The following PLIN3 variants were observed in gnomAD, a reference collection of about 807,000 sequenced individuals.
The protein encoded by PLIN3 is perilipin-3.
Under a neutral mutation model 35.9 loss-of-function variants are expected in PLIN3, and 30 were observed. The ratio of observed to expected loss-of-function variants is 0.84; its 90% CI spans 0.62 to 1.13. The LOEUF is 1.13. Ranked by LOEUF, PLIN3 falls within the 50% of genes most tolerant of loss-of-function variation. PLIN3 has a pLI of 0.00. For missense variants in PLIN3, 603 were observed against 596.9 expected, an observed-to-expected ratio of 1.01 and a Z score of -0.11; for synonymous variants, 261 against 262.5, an observed-to-expected ratio of 0.99 and a Z score of 0.06.
rs80119646 is a variant in PLIN3, at chr19:4,860,742, G to A, written c.66+587C>T. Reference sequence around the variant, plus strand: ...TCCGAGCACTTTGGGAGACCGAGGCGGGTGGGTCACTTTGGGTCAGGAGTT... The same window carrying A: ...TCCGAGCACTTTGGGAGACCGAGGCAGGTGGGTCACTTTGGGTCAGGAGTT... On this transcript the variant is annotated intron_variant, in intron 2 of 7. Coordinates refer to ENST00000221957, the MANE Select transcript of PLIN3 (RefSeq NM_005817.5). 7.0e-3 allele frequency among the ~76,000 whole-genome samples: 1,066 copies of A among 152,110 alleles called. 59 individuals are homozygous for A. In the East Asian group the frequency reaches 0.14, roughly 20 times the overall value.
At chr19:4,846,431 G>T (rs1397035938) in intron 6 of PLIN3, among the ~76,000 whole-genome samples, 1 of 152,004 alleles carries the variant, frequency 6.6e-6, no homozygotes, top group African/African-American at 2.4e-5. Context: ...GTGCGTGGTG[G>T]CTCGTGTCTG....
rs2030315840 is a variant in PLIN3, at chr19:4,852,132, AC to A, written c.517del (p.Val173SerfsTer14). ...CAAGCGGGAGCCCATGACCGATTGG[AC>A]GCCGCCGGTCACTACGGACTTTGTC... ...DKTKSVVTGG[V>X]QSVMGSRLGQ... On this transcript the variant is annotated frameshift_variant, in exon 5 of 8. Coordinates refer to ENST00000221957, the MANE Select transcript of PLIN3 (RefSeq NM_005817.5). LOFTEE classifies it high-confidence loss of function. 4 of 1,614,016 alleles carry A rather than the reference AC, an allele frequency of 2.5e-6. No homozygotes were observed. The highest frequency in any genetic ancestry group is 3.4e-6 in the Non-Finnish European group (4 of 1,179,974).
chr19:4,855,661 G>A (rs1298076466), intron 4 of PLIN3, among the ~76,000 whole-genome samples: 1 of 152,096 alleles, frequency 6.6e-6, no homozygotes, highest in African/African-American at 2.4e-5. Context: ...GCCCGCCTCG[G>A]CCTCCCAAAG....
intron 4 of PLIN3, among the ~76,000 whole-genome samples, chr19:4,856,862 C>T (rs779282260): frequency 1.3e-5 from 2 of 151,812 alleles, no homozygotes; most frequent in African/African-American, 2.4e-5. Flanking sequence ...CTCACCATCA[C>T]GCCTGGCTGA....
chr19:4,859,567 C>T (rs2030594952), intron 4 of PLIN3, 23 bp downstream of exon 4: 3 of 1,606,136 alleles, frequency 1.9e-6, no homozygotes, highest in Non-Finnish European at 2.6e-6. Context: ...CTCGACAGAG[C>T]CCCTGAGGAC....
At chr19:4,858,495 A>G (rs2030547248) in intron 4 of PLIN3, among the ~76,000 whole-genome samples, 1 of 150,818 alleles carries the variant, frequency 6.6e-6, no homozygotes, top group African/African-American at 2.4e-5. Context: ...CTCTTGCCTC[A>G]GCCTCCCGAG....
chr19:4,839,045 T>G lies in PLIN3; in HGVS notation c.*147A>C. 1.6e-6 allele frequency: 1 copy of G among 614,680 alleles called. No individual in the cohort carries two copies. The highest frequency in any genetic ancestry group is 2.7e-6 in the Non-Finnish European group (1 of 366,050). The allele number at this position is 614,680 out of a possible 1,614,324, so 38.1% of individuals were successfully genotyped here. On this transcript the variant is annotated 3_prime_UTR_variant, in exon 8 of 8. Coordinates refer to ENST00000221957, the MANE Select transcript of PLIN3 (RefSeq NM_005817.5). The stretch of plus-strand genomic sequence containing the variant: ...AGATGGGTCAACTGGGTGATGCCCG[T>G]TTTGAGAGCCTTAGCTTCCCAAGTG...
Position 4,844,146 on chromosome 19 carries a change from G to A in PLIN3, c.960+522C>T, listed in dbSNP as rs149866046. 3.9e-3 allele frequency among the ~76,000 whole-genome samples: 595 copies of A among 152,042 alleles called. 3 individuals are homozygous for A. Among genetic ancestry groups the A allele is most frequent in the African/African-American group, 0.014 (561 of 41,510 alleles). On this transcript the variant is annotated intron_variant, in intron 7 of 7. Coordinates refer to ENST00000221957, the MANE Select transcript of PLIN3 (RefSeq NM_005817.5). ...GGCCAAGGCTTGAGATAGAGTGGAGGGGGCCGGAGAATACTAGTCAGAAGT... is the reference window on the plus strand; with the variant it reads ...GGCCAAGGCTTGAGATAGAGTGGAGAGGGCCGGAGAATACTAGTCAGAAGT...
intron 6 of PLIN3, among the ~76,000 whole-genome samples, chr19:4,846,508 G>A (rs1014107001): frequency 2.0e-5 from 3 of 151,610 alleles, no homozygotes; most frequent in Non-Finnish European, 2.9e-5. Flanking sequence ...AGACCAGCCC[G>A]GCCAACATAG....
chr19:4,865,148 C>T (rs192869177), intron 1 of PLIN3, among the ~76,000 whole-genome samples: 1 of 151,462 alleles, frequency 6.6e-6, no homozygotes, highest in Non-Finnish European at 1.5e-5. Context: ...GCCAAGACTG[C>T]GCCACTACAC....
rs564903784 is a variant in PLIN3, at chr19:4,842,570, A to G, written c.960+2098T>C. Among the ~76,000 whole-genome samples the G allele has an allele frequency of 2.2e-3, 301 of 139,524 alleles. 2 individuals are homozygous for G. Among genetic ancestry groups the G allele is most frequent in the African/African-American group, 7.6e-3 (281 of 37,202 alleles). 91.5% of individuals were successfully genotyped at this position (139,524 alleles called of 152,430 possible). A position where few individuals can be genotyped will look rare whatever the true frequency, so the allele number is the denominator to read the frequency against. ...AGCCGAGATCATGACATTGCACTCC[A>G]GCCAGGGTGACAGAGTGAGACTCTA... On this transcript the variant is annotated intron_variant, in intron 7 of 7. Transcript: ENST00000221957.
At chr19:4,843,872 T>C (rs2029993191) in intron 7 of PLIN3, among the ~76,000 whole-genome samples, 1 of 152,162 alleles carries the variant, frequency 6.6e-6, no homozygotes, top group Non-Finnish European at 1.5e-5. Flanking sequence ...AATTGATATA[T>C]AATCCACACA....
intron 7 of PLIN3, among the ~76,000 whole-genome samples, chr19:4,842,066 T>C (rs1256415243): frequency 1.3e-5 from 2 of 149,968 alleles, no homozygotes; most frequent in Non-Finnish European, 3.0e-5. Context: ...GGCCAGAGAG[T>C]GAGATGAGCA....
intron 6 of PLIN3, 85 bp downstream of exon 6, chr19:4,847,606 G>T (rs1055217987): frequency 8.7e-7 from 1 of 1,147,504 alleles, no homozygotes; most frequent in African/African-American, 1.5e-5. Flanking sequence ...GCAGAGGGGT[G>T]AGCAATAAGC....
rs1452716047 is a variant in PLIN3 at position 4,838,612 on chromosome 19, C to G, written c.*580G>C. 1 of 148,282 alleles carries G rather than the reference C, an allele frequency of 6.7e-6. No individual in the cohort carries two copies. The highest frequency in any genetic ancestry group is 2.5e-5 in the African/African-American group (1 of 40,198). 9.2% of individuals were successfully genotyped at this position (148,282 alleles called of 1,614,324 possible). On this transcript the variant is annotated 3_prime_UTR_variant, in exon 8 of 8. Transcript: ENST00000221957. The stretch of plus-strand genomic sequence containing the variant: ...TTTTTTTTTTTGAGACTAAGTCTCA[C>G]TCTTGTCCCCCAGGCTGGAGTGCAA...
At chr19:4,843,228 A>G (rs188273449) in intron 7 of PLIN3, among the ~76,000 whole-genome samples, 1 of 130,532 alleles carries the variant, frequency 7.7e-6, no homozygotes, top group Non-Finnish European at 1.6e-5. Flanking sequence ...ATAAATAGGC[A>G]GGGTGCGGTG....
intron 4 of PLIN3, among the ~76,000 whole-genome samples, chr19:4,852,560 C>T (rs559571954): frequency 6.6e-6 from 1 of 152,302 alleles, no homozygotes; most frequent in African/African-American, 2.4e-5. Context: ...GCCAGACTAC[C>T]TAGGCTCCGT....
chr19:4,863,979 C>T (rs564583336), intron 1 of PLIN3, among the ~76,000 whole-genome samples: 10 of 152,204 alleles, frequency 6.6e-5, no homozygotes, highest in African/African-American at 2.2e-4. Context: ...GTCGCCCAGG[C>T]TGCAGTGTAG....
At chr19:4,864,850 G>C (rs2030797796) in intron 1 of PLIN3, among the ~76,000 whole-genome samples, 1 of 152,098 alleles carries the variant, frequency 6.6e-6, no homozygotes, top group Non-Finnish European at 1.5e-5. Context: ...ATGCTCCCTG[G>C]AGCAAGGCGC....
Sources: gnomAD v4.1 joint callset for allele counts (sites outside exome capture counted in the v4.1 genomes callset) on GRCh38, gnomAD v4.1.1 for gene constraint, MANE v1.5 for transcripts, NCBI Gene and HGNC (gene_info 2026-07-23, HGNC 2026-07-21) for gene names.